Variants in ARK2C observed in about 807,000 individuals in gnomAD.
ARK2C encodes E3 ubiquitin-protein ligase ARK2C.
chr18:46,342,434 G>A, the ARK2C span, among the ~76,000 whole-genome samples: 1 of 152,224 alleles, frequency 6.6e-6, no homozygotes, highest in Non-Finnish European at 1.5e-5. Flanking sequence ...GCTTCGAGGG[G>A]GTCTAGACCC....
the ARK2C span, among the ~76,000 whole-genome samples, chr18:46,411,069 G>A: frequency 1.3e-5 from 2 of 152,206 alleles, no homozygotes; most frequent in Non-Finnish European, 2.9e-5. Context: ...GGTAAGACAC[G>A]CCTGATGGAT....
chr18:46,405,558 G>T, the ARK2C span, among the ~76,000 whole-genome samples: 2 of 152,166 alleles, frequency 1.3e-5, no homozygotes, highest in Non-Finnish European at 2.9e-5. Context: ...TGGAGAGAGA[G>T]GGCGAAGGAG....
chr18:46,338,277 A>G, the ARK2C span, among the ~76,000 whole-genome samples: 4 of 152,308 alleles, frequency 2.6e-5, no homozygotes, highest in East Asian at 3.9e-4. Flanking sequence ...GACTTGCAAT[A>G]TAAGTTTTGC....
the ARK2C span, among the ~76,000 whole-genome samples, chr18:46,419,550 G>A: frequency 6.6e-6 from 1 of 152,232 alleles, no homozygotes; most frequent in Admixed American, 6.5e-5. Context: ...GGCCTGAGGG[G>A]CCTTTTGGGT....
the ARK2C span, among the ~76,000 whole-genome samples, chr18:46,356,854 A>G: frequency 6.6e-6 from 1 of 152,210 alleles, no homozygotes; most frequent in African/African-American, 2.4e-5. Flanking sequence ...CAGAGGCTTT[A>G]CATTCAGGGA....
the ARK2C span, chr18:46,337,522 TG>T: frequency 1.0e-6 from 1 of 985,472 alleles, no homozygotes; most frequent in Non-Finnish European, 1.2e-6. Context: ...GCTTTTGTTC[TG>T]TTGCCCTTCC....
the ARK2C span, chr18:46,435,287 A>C: frequency 6.2e-7 from 1 of 1,613,856 alleles, no homozygotes; most frequent in Non-Finnish European, 8.5e-7. Context: ...CTTCTGGTGC[A>C]GGCGGAGTCA....
At chr18:46,339,052 A>G in the ARK2C span, among the ~76,000 whole-genome samples, 1 of 152,170 alleles carries the variant, frequency 6.6e-6, no homozygotes, top group South Asian at 2.1e-4. Context: ...ATTTACTGTG[A>G]CACATGGACA....
chr18:46,449,493 A>G, the ARK2C span, among the ~76,000 whole-genome samples: 1 of 152,202 alleles, frequency 6.6e-6, no homozygotes, highest in African/African-American at 2.4e-5. Context: ...TCTTGGAGGC[A>G]GTGCAGAGTA....
chr18:46,404,957 C>T, the ARK2C span, among the ~76,000 whole-genome samples: 1 of 152,136 alleles, frequency 6.6e-6, no homozygotes, highest in Non-Finnish European at 1.5e-5. Flanking sequence ...ATGCAGAAGA[C>T]ATATTCAGCT....
chr18:46,359,410 A>C, the ARK2C span, among the ~76,000 whole-genome samples: 1 of 152,184 alleles, frequency 6.6e-6, no homozygotes, highest in Admixed American at 6.5e-5. Flanking sequence ...CAGGTGGCAC[A>C]TGGAGGGGAC....
chr18:46,376,537 C>T, the ARK2C span, among the ~76,000 whole-genome samples: 3 of 152,208 alleles, frequency 2.0e-5, no homozygotes, highest in East Asian at 1.9e-4. Context: ...CACACCTATG[C>T]TCTGGACTAT....
the ARK2C span, among the ~76,000 whole-genome samples, chr18:46,402,248 C>A: frequency 2.0e-5 from 3 of 152,200 alleles, no homozygotes; most frequent in African/African-American, 7.2e-5. Flanking sequence ...AGGTCAGCTA[C>A]TTACTGAGCA....
chr18:46,361,417 T>C, the ARK2C span, among the ~76,000 whole-genome samples: 2 of 152,302 alleles, frequency 1.3e-5, no homozygotes, highest in African/African-American at 4.8e-5. Flanking sequence ...ATGCAGCATA[T>C]ATGTACATTA....
At chr18:46,428,903 A>G in the ARK2C span, among the ~76,000 whole-genome samples, 2 of 152,296 alleles carry the variant, frequency 1.3e-5, no homozygotes, top group African/African-American at 2.4e-5. Flanking sequence ...GAGTCTTGAC[A>G]ATACCCGTTT....
chr18:46,459,607 T>C, the ARK2C span: 8,059 of 152,342 alleles, frequency 0.053, 294 homozygotes, highest in Non-Finnish European at 0.075. Context: ...CTGAAGCCCC[T>C]CCTCCTTCCC....
chr18:46,453,195 G>C, the ARK2C span, among the ~76,000 whole-genome samples: 1 of 152,172 alleles, frequency 6.6e-6, no homozygotes, highest in South Asian at 2.1e-4. Flanking sequence ...ATCAAACCTT[G>C]GCTAGTGTGC....
chr18:46,408,662 G>C, the ARK2C span, among the ~76,000 whole-genome samples: 45 of 152,308 alleles, frequency 3.0e-4, no homozygotes, highest in Non-Finnish European at 5.3e-4. Context: ...GAGTTAATTA[G>C]AGCATCATCT....
the ARK2C span, among the ~76,000 whole-genome samples, chr18:46,361,568 T>C: frequency 3.9e-5 from 6 of 152,370 alleles, no homozygotes; most frequent in Non-Finnish European, 8.8e-5. Context: ...CTTTCAAAGA[T>C]GGTCTTGCTT....
Sources: gnomAD v4.1 joint callset for allele counts (sites outside exome capture counted in the v4.1 genomes callset) on GRCh38, gnomAD v4.1.1 for gene constraint, MANE v1.5 for transcripts, NCBI Gene and HGNC (gene_info 2026-07-23, HGNC 2026-07-21) for gene names.